The following SEC14L1 variants were observed in gnomAD, a reference collection of about 807,000 sequenced individuals.
The protein encoded by SEC14L1 is SEC14-like protein 1.
SEC14L1 carries 48 observed loss-of-function variants against 85.3 expected under a neutral mutation model. The ratio of observed to expected loss-of-function variants is 0.56; its 90% confidence interval spans 0.45 to 0.72. SEC14L1 has a LOEUF of 0.72. SEC14L1 is among the 30% of genes least tolerant of loss of function. SEC14L1 has a pLI of 0.00. For synonymous variants in SEC14L1, 391 were observed against 355.5 expected (o/e 1.10, Z -1.12); for missense variants, 682 against 921.4 (o/e 0.74, Z 3.36).
chr17:77,120,192 T>C (rs543776238), intron 3 of SEC14L1, among the ~76,000 whole-genome samples: 330 of 152,162 alleles, frequency 2.2e-3, no homozygotes, highest in Middle Eastern at 6.8e-3. Flanking sequence ...AGCAACATAG[T>C]GAGACATCCT....
rs1018053506 is a variant in SEC14L1, at chr17:77,215,317, T to C, written c.*1294T>C. 3.0e-6 allele frequency: 3 copies of C among 985,264 alleles called. No homozygotes were observed. The highest frequency in any genetic ancestry group is 1.7e-5 in the African/African-American group (1 of 57,198). The allele number at this position is 985,264 out of a possible 1,614,324, so 61.0% of individuals were successfully genotyped here. On this transcript the variant is annotated 3_prime_UTR_variant, in exon 17 of 17. Coordinates refer to ENST00000436233, the MANE Select transcript of SEC14L1 (RefSeq NM_001143998.2). ...TTTGAGAATCTGTCCAGAAGTTGCA[T>C]AGGGGATGGCCTCCACGATAAGGAC...
Position 77,215,060 on chromosome 17 carries a change from T to G in SEC14L1, c.*1037T>G. 1 of 978,048 alleles carries G rather than the reference T, an allele frequency of 1.0e-6. No individual in the cohort carries two copies. Among genetic ancestry groups the G allele is most frequent in the Non-Finnish European group, 1.2e-6 (1 of 825,162 alleles). 60.6% of individuals were successfully genotyped at this position (978,048 alleles called of 1,614,324 possible). A position where few individuals can be genotyped will look rare whatever the true frequency, so the allele number is the denominator to read the frequency against. On this transcript the variant is annotated 3_prime_UTR_variant, in exon 17 of 17. Transcript: ENST00000436233. ...TTTGTACATGGGAATTGTGGACTCA[T>G]GCGTGTGTGTGTGTGCATGTGCTGT...
intron 3 of SEC14L1, among the ~76,000 whole-genome samples, chr17:77,120,633 C>G (rs954578926): frequency 1.3e-5 from 2 of 152,146 alleles, no homozygotes; most frequent in South Asian, 2.1e-4. Flanking sequence ...CGTGCCACCA[C>G]GCCCAGCTAA....
chr17:77,213,797 A>G lies in SEC14L1; in HGVS notation c.2043-121A>G. The G allele has an allele frequency of 3.1e-6, 4 of 1,276,574 alleles. No individual in the cohort carries two copies. The South Asian group carries it at 3.6e-5, about 12-fold the overall frequency. 79.1% of individuals were successfully genotyped at this position (1,276,574 alleles called of 1,614,324 possible). A position where few individuals can be genotyped will look rare whatever the true frequency, so the allele number is the denominator to read the frequency against. The stretch of plus-strand genomic sequence containing the variant: ...TCATGTCCATCCCCCGTTTGCAAGC[A>G]CTGATGGGGATGAGAAGTGAGCAGA... On this transcript the variant is annotated intron_variant, in intron 16 of 16. Coordinates refer to ENST00000436233, the MANE Select transcript of SEC14L1 (RefSeq NM_001143998.2). The surrounding 1 kb of genome is among the most constrained non-coding windows in gnomAD (Gnocchi z 7.1).
At chr17:77,089,328 GTGT>G in intron 2 of SEC14L1, 1 of 509,028 alleles carries the variant, frequency 2.0e-6, no homozygotes. Flanking sequence ...AAAGGCTCCT[GTGT>G]TGTTGAGCCT....
Position 77,203,562 on chromosome 17 carries a change from C to T in SEC14L1, c.1010-8C>T, listed in dbSNP as rs1001745658. ...TGCTGACAACTCATTCCTTCCCCTC[C>T]TCTGCAGATGGGCGGCCCCTCTACG... On this transcript the variant is annotated splice_region_variant and splice_polypyrimidine_tract_variant and intron_variant, in intron 9 of 16. Transcript: ENST00000436233. 12 of 1,612,754 alleles carry T rather than the reference C, an allele frequency of 7.4e-6. No homozygotes were observed. The African/African-American group carries it at 1.5e-4, about 20-fold the overall frequency.
chr17:77,144,736 C>T (rs1388413941), intron 3 of SEC14L1: 1 of 152,250 alleles, frequency 6.6e-6, no homozygotes, highest in Non-Finnish European at 1.5e-5. Context: ...CCTCAGCCTC[C>T]CAAATAGCTG....
chr17:77,166,987 A>G (rs896159616), intron 3 of SEC14L1, among the ~76,000 whole-genome samples: 1 of 152,188 alleles, frequency 6.6e-6, no homozygotes, highest in South Asian at 2.1e-4. Flanking sequence ...GTTTCTCCCC[A>G]GATGAAAGCT....
chr17:77,195,111 TAGGA>T (rs1467325868), intron 7 of SEC14L1, 200 bp downstream of exon 7: 2 of 575,064 alleles, frequency 3.5e-6, no homozygotes, highest in Admixed American at 3.2e-5. Context: ...TTTTTGTTAA[TAGGA>T]AGGATTATAT....
At chr17:77,101,527 G>A (rs1408932812) in intron 3 of SEC14L1, among the ~76,000 whole-genome samples, 1 of 152,084 alleles carries the variant, frequency 6.6e-6, no homozygotes, top group Non-Finnish European at 1.5e-5. Context: ...TCCCTGTCTT[G>A]GTTCAGAAGG....
At chr17:77,183,945 C>T (rs1315019690) in intron 3 of SEC14L1, among the ~76,000 whole-genome samples, 4 of 152,076 alleles carry the variant, frequency 2.6e-5, no homozygotes, top group African/African-American at 9.7e-5. Flanking sequence ...GCCACCACGC[C>T]CGGCTAATTT....
chr17:77,204,442 ACTC>A (rs1186367574), intron 10 of SEC14L1, among the ~76,000 whole-genome samples: 1 of 147,862 alleles, frequency 6.8e-6, no homozygotes, highest in Non-Finnish European at 1.5e-5. Flanking sequence ...CTGGTCTCGA[ACTC>A]CTGATCTCAG....
Position 77,214,424 on chromosome 17 carries a change from T to C in SEC14L1, c.*401T>C, listed in dbSNP as rs1466406509. On this transcript the variant is annotated 3_prime_UTR_variant, in exon 17 of 17. Coordinates refer to ENST00000436233, the MANE Select transcript of SEC14L1 (RefSeq NM_001143998.2). ...CCTCCAGAGATGGCCCCTCCTCACC[T>C]GGGACGGAAGCTGCCAGCTCGCTTC... The C allele has an allele frequency of 1.0e-6, 1 of 1,001,482 alleles. No individual in the cohort carries two copies. Among genetic ancestry groups the C allele is most frequent in the African/African-American group, 1.7e-5 (1 of 57,550 alleles). 62.0% of individuals were successfully genotyped at this position (1,001,482 alleles called of 1,614,324 possible).
upstream of SEC14L1, among the ~76,000 whole-genome samples, chr17:77,140,563 C>T (rs1460471112): frequency 6.6e-6 from 1 of 152,218 alleles, no homozygotes; most frequent in Non-Finnish European, 1.5e-5. Context: ...TGGTTTTGAC[C>T]TCCCGCAAAC....
At chr17:77,203,002 A>G (rs908376930) in intron 9 of SEC14L1, among the ~76,000 whole-genome samples, 1 of 151,896 alleles carries the variant, frequency 6.6e-6, no homozygotes, top group African/African-American at 2.4e-5. Context: ...GGATTTTTAG[A>G]ATGTTCTCAT....
At chr17:77,142,797 A>G (rs922234514) in intron 2 of SEC14L1, 47 bp downstream of exon 2, 2 of 152,222 alleles carry the variant, frequency 1.3e-5, no homozygotes, top group Non-Finnish European at 2.9e-5. Flanking sequence ...GGGGAGACAG[A>G]GGACTGGCAA....
At chr17:77,163,269 G>A (rs1015924376) in intron 3 of SEC14L1, among the ~76,000 whole-genome samples, 2 of 152,166 alleles carry the variant, frequency 1.3e-5, no homozygotes, top group African/African-American at 4.8e-5. Context: ...AAGAAAAGCT[G>A]GGACACAGAG....
intron 3 of SEC14L1, among the ~76,000 whole-genome samples, chr17:77,110,098 T>C (rs1202921951): frequency 1.3e-5 from 2 of 152,208 alleles, no homozygotes; most frequent in Non-Finnish European, 1.5e-5. Context: ...TGGAGTTGTT[T>C]ACCCGGTTTT....
Position 77,213,868 on chromosome 17 carries a change from G to C in SEC14L1, c.2043-50G>C, listed in dbSNP as rs1485430024. The C allele has an allele frequency of 6.2e-7, 1 of 1,605,648 alleles. No homozygotes were observed. On this transcript the variant is annotated intron_variant, in intron 16 of 16. Transcript: ENST00000436233. This position sits in a 1 kb window ranked among gnomAD's most constrained non-coding sequence, Gnocchi z 7.1. ...TCCAGCAGGCAGTGTGGGCCGGCGG[G>C]TGGTTGGCAGGGTGGTCCTCACGCC...
Sources: gnomAD v4.1 joint callset for allele counts (sites outside exome capture counted in the v4.1 genomes callset) on GRCh38, gnomAD v4.1.1 for gene constraint, Gnocchi (gnomAD v3.1) non-coding constraint, MANE v1.5 for transcripts, NCBI Gene and HGNC (gene_info 2026-07-23, HGNC 2026-07-21) for gene names.